The following SBF2 variants were observed in gnomAD, a reference collection of about 807,000 sequenced individuals.
The protein encoded by SBF2 is SET binding factor 2.
SBF2 carries 112 observed loss-of-function variants against 225.2 expected under a neutral mutation model. The observed-to-expected ratio is 0.50, with a 90% CI of 0.43 to 0.58. The LOEUF is 0.58. SBF2 is among the 20% of genes least tolerant of loss of function. The probability of loss-of-function intolerance (pLI) is 0.00; values close to 1 mark genes in which losing one functional copy is unlikely to be tolerated. For synonymous variants in SBF2, 763 were observed against 773.3 expected (o/e 0.99, Z 0.22); for missense variants, 1,996 against 2,206.2 (o/e 0.90, Z 1.91).
intron 2 of SBF2, among the ~76,000 whole-genome samples, chr11:10,108,515 CTTTTTTTTTTTTTT>C (rs34189666): frequency 4.8e-5 from 4 of 83,482 alleles, no homozygotes; most frequent in South Asian, 4.7e-4. Flanking sequence ...TAATAGTTAA[CTTTTTTTTTTTTTT>C]TTTTTTTTTT....
intron 21 of SBF2, among the ~76,000 whole-genome samples, chr11:9,850,734 G>A (rs1240529645): frequency 1.3e-5 from 2 of 152,182 alleles, no homozygotes; most frequent in East Asian, 1.9e-4. Flanking sequence ...GCAGAATTGT[G>A]TAAAAGTAAA....
chr11:9,844,225 G>A (rs574965896), intron 24 of SBF2, among the ~76,000 whole-genome samples: 10 of 152,206 alleles, frequency 6.6e-5, no homozygotes, highest in African/African-American at 1.9e-4. Context: ...TACCATACCT[G>A]GATATTACCT....
intron 2 of SBF2, among the ~76,000 whole-genome samples, chr11:10,069,978 A>C (rs11042606): frequency 0.036 from 5,410 of 152,258 alleles, 319 homozygotes; most frequent in East Asian, 0.19. Flanking sequence ...GTGTCTGTTC[A>C]TATCCTTTGC....
Position 10,301,607 on chromosome 11 carries a change from G to C in SBF2, n.386+2885C>G, listed in dbSNP as rs557210107. Among the ~76,000 whole-genome samples the C allele has an allele frequency of 4.8e-4, 73 of 152,256 alleles. 1 individual carries two copies. The highest frequency in any genetic ancestry group is 1.7e-3 in the African/African-American group (71 of 41,536). On this transcript the variant is annotated intron_variant and non_coding_transcript_variant, in intron 1 of 5. Coordinates refer to the SBF2 transcript ENST00000685217. ...CTGAGATAATTATGCAATGCACTTA[G>C]CTACTCACATTTTAGTTATTCTTAT...
At chr11:9,955,662 A>G (rs1421181202) in intron 16 of SBF2, among the ~76,000 whole-genome samples, 4 of 152,204 alleles carry the variant, frequency 2.6e-5, no homozygotes, top group Admixed American at 2.6e-4. Flanking sequence ...GAGAAGATAA[A>G]TATGCCCTGT....
chr11:10,280,652 C>T (rs1963344230), intron 1 of SBF2, among the ~76,000 whole-genome samples: 1 of 152,204 alleles, frequency 6.6e-6, no homozygotes, highest in Admixed American at 6.5e-5. Flanking sequence ...GCCTCTACTT[C>T]TTATTCTTTA....
chr11:10,137,636 T>C (rs1003604145), intron 2 of SBF2, among the ~76,000 whole-genome samples: 3 of 152,218 alleles, frequency 2.0e-5, no homozygotes, highest in Middle Eastern at 3.2e-3. Context: ...AAATGCTTTT[T>C]CCACATTTAT....
chr11:9,796,375 T>C (rs1262179410), intron 32 of SBF2, among the ~76,000 whole-genome samples: 4 of 149,990 alleles, frequency 2.7e-5, no homozygotes, highest in South Asian at 4.2e-4. Context: ...TGTTTGGCAA[T>C]TGATAGATAT....
At position 10,106,453 on chromosome 11, in the gene SBF2, C is replaced by G. The variant is rs191224901; in HGVS notation, c.142-63472G>C. ...AACAGCCTGGCCAACATGGCGAAAC[C>G]CCATCTCTACTAAAAATACAAAAAA... On this transcript the variant is annotated intron_variant, in intron 2 of 39. Transcript: ENST00000256190. Among the ~76,000 whole-genome samples the G allele has an allele frequency of 3.7e-4, 56 of 151,974 alleles. No homozygotes were observed. The South Asian group carries it at 4.4e-3, about 12-fold the overall frequency.
At chr11:10,129,553 A>G (rs1374448831) in intron 2 of SBF2, among the ~76,000 whole-genome samples, 1 of 152,188 alleles carries the variant, frequency 6.6e-6, no homozygotes, top group African/African-American at 2.4e-5. Flanking sequence ...ATCCTCCTTT[A>G]ATTTTGTTGA....
intron 7 of SBF2, among the ~76,000 whole-genome samples, chr11:10,001,990 T>A (rs938668510): frequency 6.6e-6 from 1 of 152,166 alleles, no homozygotes; most frequent in African/African-American, 2.4e-5. Flanking sequence ...ATTTTGTTTT[T>A]TAGTTTTTAT....
intron 17 of SBF2, among the ~76,000 whole-genome samples, chr11:9,866,118 T>C (rs368452307): frequency 6.1e-4 from 93 of 152,332 alleles, no homozygotes; most frequent in African/African-American, 2.1e-3. Context: ...TATTGCATAT[T>C]GGTTATTTTT....
At chr11:10,077,069 C>T (rs1951150267) in intron 2 of SBF2, among the ~76,000 whole-genome samples, 3 of 152,162 alleles carry the variant, frequency 2.0e-5, no homozygotes, top group African/African-American at 7.2e-5. Context: ...CACCTACTGG[C>T]TGCAAGGCCA....
upstream of SBF2, among the ~76,000 whole-genome samples, chr11:10,297,183 C>T (rs1964556692): frequency 6.6e-6 from 1 of 151,276 alleles, no homozygotes; most frequent in Non-Finnish European, 1.5e-5. Flanking sequence ...AATTGTTATG[C>T]CCTATTCCCC....
intron 2 of SBF2, among the ~76,000 whole-genome samples, chr11:10,085,221 C>T (rs184132528): frequency 6.6e-6 from 1 of 152,286 alleles, no homozygotes; most frequent in East Asian, 1.9e-4. Context: ...CTTTTGTTCT[C>T]AAAACCTTTT....
rs1289408333 is a variant in SBF2 at position 9,802,801 on chromosome 11, G to A, written c.4443+5199C>T. On this transcript the variant is annotated intron_variant, in intron 32 of 39. Transcript: ENST00000256190. ...TCAGAAAAACTATTTGCTAACTATAGTCTTCTTAGATTCCTCTGTTTTTGA... is the reference window on the plus strand; with the variant it reads ...TCAGAAAAACTATTTGCTAACTATAATCTTCTTAGATTCCTCTGTTTTTGA... Among the ~76,000 whole-genome samples, 3 of 152,128 alleles carry A rather than the reference G, an allele frequency of 2.0e-5. No individual in the cohort carries two copies. The East Asian group carries it at 5.8e-4, about 29-fold the overall frequency.
rs138764761 is a variant in SBF2, at chr11:10,040,948, C to T, written c.279+1896G>A. 1.2e-4 allele frequency among the ~76,000 whole-genome samples: 19 copies of T among 152,040 alleles called. 1 individual carries two copies. Among genetic ancestry groups the T allele is most frequent in the African/African-American group, 4.1e-4 (17 of 41,510 alleles). Reference sequence around the variant, plus strand: ...TTCCAAATTAAAAGTTTGAAAAATACCCAAGAATTCCTAGAACCTATTTAT... The same window carrying T: ...TTCCAAATTAAAAGTTTGAAAAATATCCAAGAATTCCTAGAACCTATTTAT... On this transcript the variant is annotated intron_variant, in intron 3 of 39. Transcript: ENST00000256190.
chr11:9,870,904 G>A (rs1858673508), intron 17 of SBF2, among the ~76,000 whole-genome samples: 1 of 151,742 alleles, frequency 6.6e-6, no homozygotes, highest in African/African-American at 2.4e-5. Context: ...AACCCAGGAG[G>A]TGGAGGTTGC....
intron 1 of SBF2, among the ~76,000 whole-genome samples, chr11:10,265,113 G>C (rs755065192): frequency 6.6e-6 from 1 of 152,036 alleles, no homozygotes; most frequent in Non-Finnish European, 1.5e-5. Flanking sequence ...AGGATTGCTA[G>C]GTCAAATGGT....
Sources: gnomAD v4.1 joint callset for allele counts (sites outside exome capture counted in the v4.1 genomes callset) on GRCh38, gnomAD v4.1.1 for gene constraint, MANE v1.5 for transcripts, NCBI Gene and HGNC (gene_info 2026-07-23, HGNC 2026-07-21) for gene names.